TRIM66: variants seen among roughly 807,000 people sequenced by gnomAD.
The protein encoded by TRIM66 is tripartite motif containing 66, also known as tripartite motif-containing protein 66.
TRIM66 carries 99 observed loss-of-function variants against 148.2 expected under a neutral mutation model. That is an observed-to-expected ratio of 0.67 (90% CI 0.57 to 0.79). The LOEUF is 0.79. Among genes scored for constraint, TRIM66 ranks in the 30% least tolerant of loss-of-function variants. The probability of loss-of-function intolerance (pLI) is 0.00; values close to 1 mark genes in which losing one functional copy is unlikely to be tolerated. For synonymous variants in TRIM66, 616 were observed against 635.9 expected, an observed-to-expected ratio of 0.97 and a Z score of 0.47; for missense variants, 1,666 against 1,697.9, an observed-to-expected ratio of 0.98 and a Z score of 0.33.
chr11:8,628,994 G>C (rs112262651), intron 15 of TRIM66, among the ~76,000 whole-genome samples: 6 of 152,278 alleles, frequency 3.9e-5, no homozygotes, highest in African/African-American at 1.2e-4. Context: ...ATAGTGTTCA[G>C]TTTTTTAAAA....
At chr11:8,642,475 GACTGA>G (rs1318044038) in intron 13 of TRIM66, among the ~76,000 whole-genome samples, 2 of 152,178 alleles carry the variant, frequency 1.3e-5, no homozygotes, top group Non-Finnish European at 2.9e-5. Context: ...TCTGCCTAAA[GACTGA>G]ATGCCAGCAA....
chr11:8,661,787 A>G (rs1592177249), intron 6 of TRIM66, among the ~76,000 whole-genome samples: 1 of 152,164 alleles, frequency 6.6e-6, no homozygotes, highest in Admixed American at 6.5e-5. Context: ...ACAGCACTCA[A>G]CCCTAACCAC....
intron 7 of TRIM66, among the ~76,000 whole-genome samples, chr11:8,651,586 A>T (rs1181430393): frequency 6.6e-6 from 1 of 152,262 alleles, no homozygotes; most frequent in Non-Finnish European, 1.5e-5. Context: ...CACAAAAAAA[A>T]GTCAATAATT....
chr11:8,664,556 T>C (rs2038469140), intron 6 of TRIM66, among the ~76,000 whole-genome samples: 1 of 152,196 alleles, frequency 6.6e-6, no homozygotes, highest in South Asian at 2.1e-4. Context: ...AAGGCTGCTG[T>C]GAAGTTTACA....
At chr11:8,631,944 T>C (rs889333710) in intron 15 of TRIM66, among the ~76,000 whole-genome samples, 6 of 152,176 alleles carry the variant, frequency 3.9e-5, no homozygotes, top group South Asian at 2.1e-4. Context: ...ACTGTGTAAA[T>C]ATGCAATAGA....
In TRIM66 at chr11:8,624,434, G is replaced by C. The variant is rs775130520; in HGVS notation, c.2944C>G (p.Leu982Val). 3 of 1,551,700 alleles carry C rather than the reference G, an allele frequency of 1.9e-6. No homozygotes were observed. The highest frequency in any genetic ancestry group is 2.6e-6 in the Non-Finnish European group (3 of 1,147,010). Residue 982 changes from leucine to valine, a missense_variant, in exon 17 of 25, where the codon CTC becomes GTC. Around this residue, in one of 3 missense-constraint regions of TRIM66, gnomAD observed 1,431 missense variants for 1,412.4 expected, o/e 1.01. Coordinates refer to ENST00000646038, the MANE Select transcript of TRIM66 (RefSeq NM_001388022.1). ...IPSELEEPIN[L>V]SVKKPPLAPV... ...GCCAGTGGAGGTTTCTTCACAGAGAGGTTAATTGGCTCCTCCAGTTCTGAG... is the reference window on the plus strand; with the variant it reads ...GCCAGTGGAGGTTTCTTCACAGAGACGTTAATTGGCTCCTCCAGTTCTGAG...
rs970007708 is a variant in TRIM66 at position 8,646,492 on chromosome 11, C to A, written c.912G>T (p.Met304Ile). The change falls in exon 11 of 25, where the codon ATG becomes ATT. Residue 304 changes from methionine to isoleucine, a missense_variant. Met to Ile is a conservative substitution (Grantham distance 10). Around this residue, in one of 3 missense-constraint regions of TRIM66, gnomAD observed 1,431 missense variants for 1,412.4 expected, o/e 1.01. Coordinates refer to ENST00000646038, the MANE Select transcript of TRIM66 (RefSeq NM_001388022.1). ...NQIKMAKMVL[M>I]NELNKQANGL... ...CATTGGCCTGTTTGTTCAGCTCATT[C>A]ATCAGAACCATCTTGGCCATTTTGA... The A allele has an allele frequency of 3.2e-5, 50 of 1,552,100 alleles. No homozygotes were observed. Among genetic ancestry groups the A allele is most frequent in the Non-Finnish European group, 4.4e-5 (50 of 1,147,112 alleles).
intron 15 of TRIM66, among the ~76,000 whole-genome samples, chr11:8,635,322 T>C (rs76553652): frequency 0.016 from 2,399 of 152,152 alleles, 71 homozygotes; most frequent in African/African-American, 0.055. Context: ...AGAGATAAAA[T>C]GAAATAATCC....
chr11:8,658,827 G>C, intron 6 of TRIM66: 1 of 984,960 alleles, frequency 1.0e-6, no homozygotes, highest in Non-Finnish European at 1.2e-6. Context: ...AACAGACATT[G>C]AAATCTGTCT....
chr11:8,659,304 C>T (rs2038081847), intron 6 of TRIM66, among the ~76,000 whole-genome samples: 1 of 152,056 alleles, frequency 6.6e-6, no homozygotes, highest in Non-Finnish European at 1.5e-5. Context: ...TTATGATTAT[C>T]TTGATGGACT....
chr11:8,637,350 T>C (rs1051392623), intron 15 of TRIM66, among the ~76,000 whole-genome samples: 3 of 151,960 alleles, frequency 2.0e-5, no homozygotes, highest in African/African-American at 7.3e-5. Context: ...ATGCATTATA[T>C]ATATGCATTA....
chr11:8,618,381 C>A (rs1174014080), intron 24 of TRIM66, among the ~76,000 whole-genome samples: 2 of 152,222 alleles, frequency 1.3e-5, no homozygotes, highest in African/African-American at 2.4e-5. Flanking sequence ...CTCTCTCAAA[C>A]CCAAATAGAA....
chr11:8,657,019 C>T (rs1031644824), intron 6 of TRIM66, among the ~76,000 whole-genome samples: 1 of 152,214 alleles, frequency 6.6e-6, no homozygotes, highest in African/African-American at 2.4e-5. Context: ...ACCAAGACCG[C>T]TGCTGGGACC....
rs1372120252 is a variant in TRIM66, at chr11:8,649,759, C to T, written c.573G>A (p.Arg191=). The change falls in exon 8 of 25, where the codon CGG becomes CGA. Residue 191 remains arginine, a synonymous_variant. Coordinates refer to ENST00000646038, the MANE Select transcript of TRIM66 (RefSeq NM_001388022.1). ...SPVPGGPFFP[R]AQKGSPGVNG... is the part of the protein sequence containing the mutation. Reference sequence around the variant, plus strand: ...TGGTACCTGGAGATCCCTTCTGGGCCCGAGGAAAGAATGGGCCCCCGGGGA... The same window carrying T: ...TGGTACCTGGAGATCCCTTCTGGGCTCGAGGAAAGAATGGGCCCCCGGGGA... 2 of 1,548,724 alleles carry T rather than the reference C, an allele frequency of 1.3e-6. No individual in the cohort carries two copies. The highest frequency in any genetic ancestry group is 1.4e-5 in the African/African-American group (1 of 70,658).
chr11:8,644,118 T>TGTTGTTC (rs2036640833), intron 12 of TRIM66, among the ~76,000 whole-genome samples: 1 of 152,202 alleles, frequency 6.6e-6, no homozygotes, highest in South Asian at 2.1e-4. Context: ...TTTCAGAGTA[T>TGTTGTTC]GTTGTTCAAC....
intron 17 of TRIM66, among the ~76,000 whole-genome samples, chr11:8,623,495 CCAA>C (rs1418226261): frequency 6.6e-6 from 1 of 152,154 alleles, no homozygotes; most frequent in Non-Finnish European, 1.5e-5. Flanking sequence ...GTAATAAGAA[CCAA>C]CGATTTTTCA....
Position 8,618,974 on chromosome 11 carries a change from G to T in TRIM66, c.3901-6C>A, listed in dbSNP as rs117764643. The T allele has an allele frequency of 1.2e-3, 1,877 of 1,550,852 alleles. 5 individuals are homozygous for T. Among genetic ancestry groups the T allele is most frequent in the South Asian group, 2.6e-3 (218 of 84,024 alleles). On this transcript the variant is annotated splice_polypyrimidine_tract_variant and splice_region_variant and intron_variant, in intron 23 of 24. Coordinates refer to ENST00000646038, the MANE Select transcript of TRIM66 (RefSeq NM_001388022.1). The stretch of plus-strand genomic sequence containing the variant: ...TCTGCAACCTCGGAGTCAGGCTGAT[G>T]GGGGAGGAGAGCAGTGATGGTCTAG...
rs534411845 is a variant in TRIM66 at position 8,634,447 on chromosome 11, G to T, written c.2310+4207C>A. On this transcript the variant is annotated intron_variant, in intron 15 of 24. Coordinates refer to ENST00000646038, the MANE Select transcript of TRIM66 (RefSeq NM_001388022.1). ...GCCTCCCAAAGTGCTGGGATTATAG[G>T]CGTGAGCCACCACACCCGGCCAACT... Among the ~76,000 whole-genome samples the T allele has an allele frequency of 7.9e-5, 12 of 152,316 alleles. No homozygotes were observed. In the South Asian group the frequency reaches 2.5e-3, roughly 32 times the overall value.
At position 8,666,668 on chromosome 11, in the gene TRIM66, A is replaced by G. The variant is rs563787519; in HGVS notation, c.340+5118T>C. 1.1e-3 allele frequency among the ~76,000 whole-genome samples: 166 copies of G among 152,316 alleles called. 1 individual carries two copies. The highest frequency in any genetic ancestry group is 2.0e-3 in the Non-Finnish European group (133 of 68,022). On this transcript the variant is annotated intron_variant, in intron 6 of 24. Coordinates refer to ENST00000646038, the MANE Select transcript of TRIM66 (RefSeq NM_001388022.1). ...ACCTCTTGGGCAGAGAGATGAAGTA[A>G]CTTGCCTAAATTACACAGCTAGTAA... is the stretch of plus-strand genomic sequence containing the variant.
Sources: gnomAD v4.1 joint callset for allele counts (sites outside exome capture counted in the v4.1 genomes callset) on GRCh38, gnomAD v4.1.1 for gene constraint, gnomAD v4.1.1 regional missense constraint, MANE v1.5 for transcripts, NCBI Gene and HGNC (gene_info 2026-07-23, HGNC 2026-07-21) for gene names.